The following PALM2AKAP2 variants were observed in gnomAD, a reference collection of about 807,000 sequenced individuals.
PALM2AKAP2 encodes the protein PALM2-AKAP2 fusion protein.
A neutral mutation model predicts 71.5 loss-of-function variants in PALM2AKAP2; 37 were observed. The ratio of observed to expected loss-of-function variants is 0.52; its 90% CI spans 0.40 to 0.68. The LOEUF (loss-of-function observed/expected upper bound fraction) is 0.68, where lower values mean the gene tolerates loss of function less well. PALM2AKAP2 is among the 30% of genes least tolerant of loss of function. PALM2AKAP2 has a pLI of 0.00. For synonymous variants in PALM2AKAP2, 468 were observed against 478.8 expected (o/e 0.98, Z 0.29); for missense variants, 1,224 against 1,191.8 (o/e 1.03, Z -0.40).
At chr9:110,004,292 T>A (rs1832736799) in intron 6 of PALM2AKAP2, among the ~76,000 whole-genome samples, 1 of 152,198 alleles carries the variant, frequency 6.6e-6, no homozygotes, top group Non-Finnish European at 1.5e-5. Context: ...CTTATGAAGC[T>A]TAGTTTGGCT....
rs139977197 is a variant in PALM2AKAP2, at chr9:110,089,044, A to G, written c.156+40189A>G. Among the ~76,000 whole-genome samples the G allele has an allele frequency of 2.0e-3, 300 of 152,244 alleles. 2 individuals carry two copies. The highest frequency in any genetic ancestry group is 7.0e-3 in the African/African-American group (290 of 41,548). On this transcript the variant is annotated intron_variant, in intron 1 of 3. Coordinates refer to ENST00000374525, the Ensembl canonical transcript of PALM2AKAP2. The stretch of plus-strand genomic sequence containing the variant: ...TACAGTTTGCATTTAAGTTAACTAA[A>G]TACAATTTAAAAAATCAGATCCTCA...
At chr9:110,038,279 G>A (rs1833448060) in intron 7 of PALM2AKAP2, among the ~76,000 whole-genome samples, 1 of 152,022 alleles carries the variant, frequency 6.6e-6, no homozygotes, top group East Asian at 1.9e-4. Context: ...GCAGTAAGCT[G>A]TCATTATACC....
intron 3 of PALM2AKAP2, among the ~76,000 whole-genome samples, chr9:109,893,133 G>A (rs1055588072): frequency 1.1e-4 from 17 of 152,120 alleles, no homozygotes; most frequent in African/African-American, 4.1e-4. Flanking sequence ...GAGGCTAGGA[G>A]TGCAGCACTG....
intron 1 of PALM2AKAP2, among the ~76,000 whole-genome samples, chr9:109,796,147 A>G (rs913189895): frequency 2.0e-5 from 3 of 152,232 alleles, no homozygotes; most frequent in Non-Finnish European, 4.4e-5. Context: ...TGTGGAACCT[A>G]TGGGTCGCTT....
chr9:109,894,619 G>A (rs1030837428), intron 3 of PALM2AKAP2, among the ~76,000 whole-genome samples: 8 of 152,154 alleles, frequency 5.3e-5, no homozygotes, highest in East Asian at 1.9e-4. Flanking sequence ...TTTGAGTGTC[G>A]TTGCACTCAC....
At chr9:109,949,621 A>G (rs899076428) in intron 6 of PALM2AKAP2, among the ~76,000 whole-genome samples, 2 of 152,336 alleles carry the variant, frequency 1.3e-5, no homozygotes, top group East Asian at 1.9e-4. Flanking sequence ...CCTTGGGGGC[A>G]TGAACAAAGG....
At chr9:110,151,802 T>C (rs17203603) in intron 2 of PALM2AKAP2, among the ~76,000 whole-genome samples, 23,021 of 152,308 alleles carry the variant, frequency 0.15, 1,898 homozygotes, top group Middle Eastern at 0.21. Context: ...ACGTTCCTTA[T>C]AGAGGTCACA....
At position 110,162,178 on chromosome 9, in the gene PALM2AKAP2, AG is replaced by A. The variant is rs528118011; in HGVS notation, c.2748+5683del. ...CTTGGTCTTACTGAATGCATGATCC[AG>A]GTGCATGCTGTTGTGGTTTGCCATT... On this transcript the variant is annotated intron_variant, in intron 3 of 3. Coordinates refer to ENST00000374525, the Ensembl canonical transcript of PALM2AKAP2. 34 of 1,607,204 alleles carry A rather than the reference AG, an allele frequency of 2.1e-5. No homozygotes were observed. The South Asian group carries it at 2.2e-4, about 10-fold the overall frequency.
intron 2 of PALM2AKAP2, among the ~76,000 whole-genome samples, chr9:110,151,634 A>G (rs1005462019): frequency 1.3e-5 from 2 of 152,348 alleles, no homozygotes; most frequent in African/African-American, 4.8e-5. Flanking sequence ...TTTGGAGTCA[A>G]CCAAGTGAAG....
chr9:110,015,267 A>G (rs146657939), intron 6 of PALM2AKAP2, among the ~76,000 whole-genome samples: 73 of 152,316 alleles, frequency 4.8e-4, no homozygotes, highest in South Asian at 1.2e-3. Flanking sequence ...TAAAGCCCCA[A>G]ATGAGTCTCA....
chr9:109,826,723 G>T (rs1030627782), intron 1 of PALM2AKAP2, among the ~76,000 whole-genome samples: 2 of 152,140 alleles, frequency 1.3e-5, no homozygotes, highest in African/African-American at 2.4e-5. Flanking sequence ...GAGGAAAATT[G>T]CCTGTAAGTG....
At chr9:109,938,180 A>G (rs920089462) in intron 6 of PALM2AKAP2, among the ~76,000 whole-genome samples, 1 of 152,240 alleles carries the variant, frequency 6.6e-6, no homozygotes, top group Admixed American at 6.5e-5. Context: ...ATGCTTTTGT[A>G]TATTATTGGC....
chr9:109,985,122 GC>G (rs1259077821), intron 6 of PALM2AKAP2, among the ~76,000 whole-genome samples: 1 of 151,994 alleles, frequency 6.6e-6, no homozygotes, highest in Non-Finnish European at 1.5e-5. Flanking sequence ...GTTGCAGTGA[GC>G]CAAGATCACG....
upstream of PALM2AKAP2, among the ~76,000 whole-genome samples, chr9:109,776,782 T>C (rs73654550): frequency 7.7e-3 from 1,170 of 152,366 alleles, 14 homozygotes; most frequent in African/African-American, 0.027. Context: ...GCCAGAAGCA[T>C]TTTGAATTTC....
In PALM2AKAP2 at chr9:109,880,638, G is replaced by T. The variant is rs1324612962; in HGVS notation, c.214G>T (p.Glu72Ter). 6.2e-7 allele frequency: 1 copy of T among 1,613,988 alleles called. No individual in the cohort carries two copies. Among genetic ancestry groups the T allele is most frequent in the Non-Finnish European group, 8.5e-7 (1 of 1,180,026 alleles). The change falls in exon 3 of 10, where the codon GAG (glutamate) becomes TAG (stop). Residue 72 changes from glutamate to a stop codon, truncating the protein, a stop_gained. Coordinates refer to the PALM2AKAP2 transcript ENST00000302798. LOFTEE classifies it high-confidence loss of function. ...GGAAGCCAGGAGGCGGCAGTCTGAA[G>T]AGGATGAGTTCAGAGTCAAGCAACT...
chr9:109,853,894 T>A (rs1829085538), intron 1 of PALM2AKAP2, among the ~76,000 whole-genome samples: 1 of 152,184 alleles, frequency 6.6e-6, no homozygotes, highest in Non-Finnish European at 1.5e-5. Context: ...GTGCTGATTC[T>A]TGCTTTAACT....
At chr9:109,958,733 T>C (rs534704370) in intron 6 of PALM2AKAP2, among the ~76,000 whole-genome samples, 1 of 151,808 alleles carries the variant, frequency 6.6e-6, no homozygotes, top group Admixed American at 6.5e-5. Flanking sequence ...GAGAAAGACA[T>C]TAAGAGGAGG....
At chr9:109,785,229 A>G (rs560225903) in intron 1 of PALM2AKAP2, among the ~76,000 whole-genome samples, 3 of 152,248 alleles carry the variant, frequency 2.0e-5, no homozygotes, top group African/African-American at 7.2e-5. Context: ...GCTGTTCTTT[A>G]GGGAATTTTG....
intron 1 of PALM2AKAP2, among the ~76,000 whole-genome samples, chr9:109,841,883 GAGATA>G (rs1828699623): frequency 9.0e-6 from 1 of 111,628 alleles, no homozygotes; most frequent in African/African-American, 3.5e-5. Context: ...GGAGGGTAGA[GAGATA>G]GAGGAGAAGT....
Sources: gnomAD v4.1 joint callset for allele counts (sites outside exome capture counted in the v4.1 genomes callset) on GRCh38, gnomAD v4.1.1 for gene constraint, MANE v1.5 for transcripts, NCBI Gene and HGNC (gene_info 2026-07-23, HGNC 2026-07-21) for gene names.